DLGAP1: variants seen among roughly 807,000 people sequenced by gnomAD.
DLGAP1 encodes the protein DLG associated protein 1, also known as disks large-associated protein 1.
Under a neutral mutation model 90.8 loss-of-function variants are expected in DLGAP1, and 11 were observed. That is an observed-to-expected ratio of 0.12 (90% CI 0.08 to 0.20). The LOEUF (loss-of-function observed/expected upper bound fraction) is 0.20, where lower values mean the gene tolerates loss of function less well. DLGAP1 is among the 10% of genes least tolerant of loss of function. The pLI is 1.00. For missense variants in DLGAP1, 1,050 were observed against 1,333.8 expected (o/e 0.79, Z 3.31); for synonymous variants, 558 against 540.7 (o/e 1.03, Z -0.44).
At position 4,434,736 on chromosome 18, in the gene DLGAP1, G is replaced by C. The variant is rs939083552; in HGVS notation, c.-267+20270C>G. ...CATGAGATATTGCTGGAACCCAGAGGAGGTGGTATGTAAATCTCAGGGAAA... is the reference window on the plus strand; with the variant it reads ...CATGAGATATTGCTGGAACCCAGAGCAGGTGGTATGTAAATCTCAGGGAAA... On this transcript the variant is annotated intron_variant, in intron 1 of 12. Transcript: ENST00000315677. Among the ~76,000 whole-genome samples, 4 of 152,180 alleles carry C rather than the reference G, an allele frequency of 2.6e-5. No individual in the cohort carries two copies. The East Asian group carries it at 7.7e-4, about 29-fold the overall frequency.
chr18:4,203,366 T>C (rs1044423441), intron 1 of DLGAP1, among the ~76,000 whole-genome samples: 1 of 152,164 alleles, frequency 6.6e-6, no homozygotes, highest in African/African-American at 2.4e-5. Flanking sequence ...CCTTGAAATA[T>C]TCATTAAATA....
chr18:4,449,860 T>G (rs2083774499), intron 1 of DLGAP1, among the ~76,000 whole-genome samples: 1 of 152,140 alleles, frequency 6.6e-6, no homozygotes, highest in Non-Finnish European at 1.5e-5. Context: ...GGGGAAAGAT[T>G]TCTTAGCCTG....
intron 1 of DLGAP1, among the ~76,000 whole-genome samples, chr18:4,333,140 C>T (rs1246564756): frequency 6.6e-6 from 1 of 151,984 alleles, no homozygotes; most frequent in African/African-American, 2.4e-5. Flanking sequence ...ACTTAGCTCA[C>T]GATTCTGCTG....
intron 1 of DLGAP1, among the ~76,000 whole-genome samples, chr18:4,327,389 T>A (rs928348629): frequency 6.6e-6 from 1 of 152,072 alleles, no homozygotes; most frequent in East Asian, 1.9e-4. Flanking sequence ...GAAGTGATTA[T>A]ACTTGCTCAA....
chr18:3,714,204 T>G (rs745520700), intron 7 of DLGAP1, among the ~76,000 whole-genome samples: 2 of 152,222 alleles, frequency 1.3e-5, no homozygotes, highest in Non-Finnish European at 2.9e-5. Flanking sequence ...CTATGAAGAC[T>G]TTCCATGGAA....
At chr18:3,784,624 G>A (rs1423282524) in intron 5 of DLGAP1, among the ~76,000 whole-genome samples, 2 of 152,052 alleles carry the variant, frequency 1.3e-5, no homozygotes, top group Non-Finnish European at 2.9e-5. Flanking sequence ...CCGGCTCTGC[G>A]CCCGCGATGC....
intron 1 of DLGAP1, among the ~76,000 whole-genome samples, chr18:4,432,698 G>A (rs976798883): frequency 1.3e-5 from 2 of 151,076 alleles, no homozygotes; most frequent in African/African-American, 4.9e-5. Flanking sequence ...CTGTACAATA[G>A]ATCTCCAGAA....
intron 4 of DLGAP1, among the ~76,000 whole-genome samples, chr18:3,848,660 A>G (rs2069160628): frequency 6.6e-6 from 1 of 152,176 alleles, no homozygotes; most frequent in Admixed American, 6.5e-5. Context: ...TACGCAGGTC[A>G]GAAACCTGGG....
chr18:4,384,524 A>G (rs1044570890), intron 1 of DLGAP1, among the ~76,000 whole-genome samples: 1 of 152,178 alleles, frequency 6.6e-6, no homozygotes, highest in Non-Finnish European at 1.5e-5. Flanking sequence ...TTTGGAAAAC[A>G]GGTTGAACCT....
intron 2 of DLGAP1, among the ~76,000 whole-genome samples, chr18:4,052,204 ACT>A (rs2075144178): frequency 6.6e-6 from 1 of 151,970 alleles, no homozygotes; most frequent in African/African-American, 2.4e-5. Context: ...CCCACTGGTG[ACT>A]CTGTGGGGAC....
chr18:4,105,008 C>G (rs1171578156), intron 2 of DLGAP1, among the ~76,000 whole-genome samples: 1 of 151,962 alleles, frequency 6.6e-6, no homozygotes, highest in Non-Finnish European at 1.5e-5. Context: ...GATTGAAACA[C>G]GCACACACAC....
At chr18:3,952,618 C>A (rs1240495023) in intron 3 of DLGAP1, among the ~76,000 whole-genome samples, 2 of 152,156 alleles carry the variant, frequency 1.3e-5, no homozygotes, top group Non-Finnish European at 2.9e-5. Flanking sequence ...AGGGTAGGAA[C>A]AAAACCATGG....
intron 1 of DLGAP1, among the ~76,000 whole-genome samples, chr18:4,255,099 G>A (rs2078861741): frequency 6.6e-6 from 1 of 152,272 alleles, no homozygotes; most frequent in Middle Eastern, 3.4e-3. Flanking sequence ...GCAGGAATTA[G>A]TTTTACGTAC....
intron 2 of DLGAP1, among the ~76,000 whole-genome samples, chr18:4,070,330 G>C (rs1242841842): frequency 6.6e-6 from 1 of 151,930 alleles, no homozygotes; most frequent in Non-Finnish European, 1.5e-5. Flanking sequence ...CTAAATACTA[G>C]AGTTTTTTGG....
chr18:4,377,685 T>C (rs1430402248), intron 1 of DLGAP1, among the ~76,000 whole-genome samples: 2 of 152,112 alleles, frequency 1.3e-5, no homozygotes, highest in African/African-American at 4.8e-5. Context: ...TTGAGTAATA[T>C]ACACACAGTC....
At chr18:4,090,979 A>G (rs1277595748) in intron 2 of DLGAP1, among the ~76,000 whole-genome samples, 1 of 152,218 alleles carries the variant, frequency 6.6e-6, no homozygotes, top group African/African-American at 2.4e-5. Context: ...ATCCTCAGCA[A>G]ACTAACACAA....
At chr18:3,784,500 C>T (rs1173329713) in intron 5 of DLGAP1, among the ~76,000 whole-genome samples, 4 of 152,160 alleles carry the variant, frequency 2.6e-5, no homozygotes, top group Non-Finnish European at 5.9e-5. Context: ...TCTATTTTTA[C>T]TCCTCTGTTC....
rs2057701532 is a variant in DLGAP1 at position 3,612,961 on chromosome 18, G to A, written c.1592-30713C>T. On this transcript the variant is annotated intron_variant, in intron 7 of 12. Coordinates refer to ENST00000315677, the MANE Select transcript of DLGAP1 (RefSeq NM_004746.4). Reference sequence around the variant, plus strand: ...CGTTCAAGCGATTCTCCTGCCTCAGGTCCTGAGTAGCTGGGATTACAGGCG... The same window carrying A: ...CGTTCAAGCGATTCTCCTGCCTCAGATCCTGAGTAGCTGGGATTACAGGCG... Among the ~76,000 whole-genome samples the A allele has an allele frequency of 2.0e-5, 3 of 152,008 alleles. No homozygotes were observed. In the South Asian group the frequency reaches 6.2e-4, roughly 32 times the overall value.
chr18:3,655,864 T>C (rs2059464102), intron 7 of DLGAP1: 2 of 474,876 alleles, frequency 4.2e-6, no homozygotes, highest in South Asian at 3.8e-5. Context: ...AACAGACATG[T>C]TGGTGCTGCC....
Sources: allele counts gnomAD v4.1 joint callset (sites outside exome capture counted in the v4.1 genomes callset), GRCh38; gene constraint gnomAD v4.1.1; transcripts MANE v1.5; gene names NCBI Gene and HGNC (gene_info 2026-07-23, HGNC 2026-07-21).